Variants in SYCP2L observed in about 807,000 individuals in gnomAD.
The protein encoded by SYCP2L is synaptonemal complex protein 2-like.
A neutral mutation model predicts 125.8 loss-of-function variants in SYCP2L; 98 were observed. That is an observed-to-expected ratio of 0.78 (90% confidence interval 0.66 to 0.92). The LOEUF is 0.92. SYCP2L is among the 40% of genes least tolerant of loss of function. The pLI is 0.00. For synonymous variants in SYCP2L, 317 were observed against 325.4 expected (o/e 0.97, Z 0.28); for missense variants, 842 against 936.4 (o/e 0.90, Z 1.32).
chr6:10,960,264 A>C (rs185256552), intron 26 of SYCP2L, among the ~76,000 whole-genome samples: 1 of 152,312 alleles, frequency 6.6e-6, no homozygotes, highest in African/African-American at 2.4e-5. Flanking sequence ...AGAAATTTTT[A>C]CTATTTTTCA....
intron 1 of SYCP2L, among the ~76,000 whole-genome samples, chr6:10,888,066 C>CTTTTTTTTTTT (rs70991066): frequency 4.0e-5 from 3 of 74,370 alleles, no homozygotes; most frequent in Admixed American, 1.8e-4. Flanking sequence ...GTGTTACCAT[C>CTTTTTTTTTTT]TTTTTTTTTT....
At chr6:10,899,231 A>G (rs1475027749) in intron 6 of SYCP2L, among the ~76,000 whole-genome samples, 2 of 152,166 alleles carry the variant, frequency 1.3e-5, no homozygotes, top group Admixed American at 6.5e-5. Context: ...GGATAGATTG[A>G]TTTTGTTCCA....
intron 21 of SYCP2L, among the ~76,000 whole-genome samples, chr6:10,937,489 A>G (rs1022816002): frequency 1.3e-5 from 2 of 152,200 alleles, no homozygotes; most frequent in African/African-American, 2.4e-5. Context: ...GAAAAAAGGA[A>G]AATCCCAAGT....
rs184838854 is a variant in SYCP2L, at chr6:10,930,133, C to T, written c.1489-237C>T. 2.6e-3 allele frequency: 884 copies of T among 334,000 alleles called. 3 individuals carry two copies. Among genetic ancestry groups the T allele is most frequent in the Admixed American group, 5.9e-3 (126 of 21,478 alleles). 20.7% of individuals were successfully genotyped at this position (334,000 alleles called of 1,614,324 possible). ...CAGTCATCCACCATCTCTTCTGTTGCAAACGTTTTATTAGAAAGGATTTTG... is the reference window on the plus strand; with the variant it reads ...CAGTCATCCACCATCTCTTCTGTTGTAAACGTTTTATTAGAAAGGATTTTG... On this transcript the variant is annotated intron_variant, in intron 18 of 29. Transcript: ENST00000283141.
chr6:10,902,992 G>A lies in SYCP2L; in HGVS notation c.641+29G>A, dbSNP rs192817546. 4.3e-5 allele frequency: 68 copies of A among 1,572,148 alleles called. No individual in the cohort carries two copies. The African/African-American group carries it at 6.5e-4, about 15-fold the overall frequency. On this transcript the variant is annotated intron_variant, in intron 8 of 29. Transcript: ENST00000283141. Reference sequence around the variant, plus strand: ...AGTGACTTTGTATAAGTTACGTGCTGTAGTAAGGGTAAAATCTCTCATGAG... The same window carrying A: ...AGTGACTTTGTATAAGTTACGTGCTATAGTAAGGGTAAAATCTCTCATGAG...
intron 17 of SYCP2L, among the ~76,000 whole-genome samples, chr6:10,927,896 T>C (rs1780926535): frequency 6.6e-6 from 1 of 152,194 alleles, no homozygotes; most frequent in South Asian, 2.1e-4. Flanking sequence ...GCGCATTCTC[T>C]TTCTCAGGTA....
chr6:10,965,441 A>G (rs1781663179), intron 29 of SYCP2L, among the ~76,000 whole-genome samples: 8 of 152,174 alleles, frequency 5.3e-5, no homozygotes, highest in Admixed American at 5.2e-4. Context: ...CAGGAACTAC[A>G]GTTTATTTAA....
At chr6:10,910,051 C>A in intron 10 of SYCP2L, 97 bp from the exon 11 acceptor site, 2 of 917,436 alleles carry the variant, frequency 2.2e-6, no homozygotes, top group South Asian at 3.0e-5. Flanking sequence ...GCCTCCTGGT[C>A]ATTTAGAAGC....
intron 29 of SYCP2L, among the ~76,000 whole-genome samples, chr6:10,971,556 G>C (rs1265754294): frequency 6.6e-6 from 1 of 151,880 alleles, no homozygotes; most frequent in Non-Finnish European, 1.5e-5. Context: ...GCTCTCTCCA[G>C]CCTTTCCTCT....
chr6:10,930,669 A>G (rs1301380026), intron 19 of SYCP2L, among the ~76,000 whole-genome samples, 155 bp downstream of exon 19: 2 of 152,342 alleles, frequency 1.3e-5, no homozygotes, highest in Admixed American at 1.3e-4. Flanking sequence ...GGCAAAATGT[A>G]CTGTGTACAT....
chr6:10,930,289 A>G, intron 18 of SYCP2L, 81 bp from the exon 19 acceptor site: 1 of 1,441,976 alleles, frequency 6.9e-7, no homozygotes, highest in Non-Finnish European at 9.4e-7. Flanking sequence ...TCTTATCTCT[A>G]GCTTTGTAGA....
chr6:10,891,438 T>TTG, intron 1 of SYCP2L, 75 bp from the exon 2 acceptor site: 4 of 537,286 alleles, frequency 7.4e-6, no homozygotes, highest in Non-Finnish European at 8.3e-6. Flanking sequence ...TTTTTTTTTT[T>TTG]GCTTTGTGTT....
chr6:10,899,813 A>C (rs188185962), intron 6 of SYCP2L, among the ~76,000 whole-genome samples: 258 of 152,342 alleles, frequency 1.7e-3, no homozygotes, highest in African/African-American at 5.9e-3. Flanking sequence ...GGTCCTCATA[A>C]TTCAAGTCAG....
chr6:10,924,113 CAG>C (rs373482523), intron 14 of SYCP2L, among the ~76,000 whole-genome samples: 1 of 151,664 alleles, frequency 6.6e-6, no homozygotes, highest in Non-Finnish European at 1.5e-5. Flanking sequence ...AGTAGAATTT[CAG>C]AGAGAGAGAG....
intron 20 of SYCP2L, 24 bp from the exon 21 acceptor site, chr6:10,935,034 C>A: frequency 1.3e-6 from 2 of 1,560,820 alleles, no homozygotes; most frequent in Non-Finnish European, 1.7e-6. Flanking sequence ...AATGTTAACA[C>A]TTAAAAAAGA....
intron 28 of SYCP2L, 138 bp from the exon 29 acceptor site, chr6:10,963,644 C>G (rs1043108257): frequency 1.3e-6 from 1 of 760,352 alleles, no homozygotes; most frequent in Admixed American, 2.5e-5. Context: ...ACGTTAATAT[C>G]CTGGGGTGTT....
intron 21 of SYCP2L, among the ~76,000 whole-genome samples, chr6:10,935,641 C>T (rs1241129934): frequency 1.3e-5 from 2 of 152,110 alleles, no homozygotes; most frequent in Non-Finnish European, 2.9e-5. Context: ...TCTCCTGCCT[C>T]AGCCTCCCAT....
Position 10,902,750 on chromosome 6 carries a change from G to T in SYCP2L, c.540G>T (p.Leu180Phe). The T allele has an allele frequency of 6.2e-7, 1 of 1,614,128 alleles. No individual in the cohort carries two copies. The highest frequency in any genetic ancestry group is 8.5e-7 in the Non-Finnish European group (1 of 1,179,988). ...TGACAGAAAAGACTGTAAATCATTT[G>T]CTTCAACAGGAGGTGAGTTGCAAGT... is the stretch of plus-strand genomic sequence containing the variant. ...FLVTEKTVNH[L>F]LQQEGLKTFN... The change falls in exon 7 of 30, where the codon TTG becomes TTT. Residue 180 changes from leucine to phenylalanine, a missense_variant. By Grantham distance (22) the Leu-to-Phe change is conservative. Transcript: ENST00000283141.
At position 10,924,536 on chromosome 6, in the gene SYCP2L, G is replaced by T. The variant is rs757226836; in HGVS notation, c.1113G>T (p.Lys371Asn). 1.9e-6 allele frequency: 3 copies of T among 1,599,174 alleles called. No homozygotes were observed. Among genetic ancestry groups the T allele is most frequent in the Non-Finnish European group, 2.6e-6 (3 of 1,175,874 alleles). Reference protein sequence around the residue: ...KIKIFIIYLKKPMIISYKEVM... With the variant: ...KIKIFIIYLKNPMIISYKEVM... Reference sequence around the variant, plus strand: ...AGATATTTATCATTTACCTGAAGAAGCCCATGATTATCAGCTACAAAGAAG... The same window carrying T: ...AGATATTTATCATTTACCTGAAGAATCCCATGATTATCAGCTACAAAGAAG... The change falls in exon 15 of 30, where the codon AAG (lysine) becomes AAT (asparagine). Residue 371 changes from lysine (K) to asparagine (N), a missense_variant. Coordinates refer to ENST00000283141, the MANE Select transcript of SYCP2L (RefSeq NM_001040274.3).
Sources: gnomAD v4.1 joint callset for allele counts (sites outside exome capture counted in the v4.1 genomes callset) on GRCh38, gnomAD v4.1.1 for gene constraint, MANE v1.5 for transcripts, NCBI Gene and HGNC (gene_info 2026-07-23, HGNC 2026-07-21) for gene names.